ARG2: variants seen among roughly 807,000 people sequenced by gnomAD.
The protein encoded by ARG2 is arginase-2, mitochondrial.
ARG2 carries 21 observed loss-of-function variants against 39.4 expected under a neutral mutation model. The observed-to-expected ratio is 0.53, with a 90% CI of 0.38 to 0.77. The LOEUF is 0.77. ARG2 is among the 30% of genes least tolerant of loss of function. ARG2 has a pLI of 0.00. For synonymous variants in ARG2, 150 were observed against 156.7 expected, an observed-to-expected ratio of 0.96 and a Z score of 0.32; for missense variants, 378 against 426.2, an observed-to-expected ratio of 0.89 and a Z score of 1.00.
intron 2 of ARG2, among the ~76,000 whole-genome samples, chr14:67,632,994 G>T (rs1261495966): frequency 6.6e-6 from 1 of 151,094 alleles, no homozygotes; most frequent in East Asian, 1.9e-4. Context: ...CTAATTTTTC[G>T]TATTTTTAGT....
At chr14:67,636,652 T>C (rs903928468) in intron 2 of ARG2, among the ~76,000 whole-genome samples, 1 of 152,248 alleles carries the variant, frequency 6.6e-6, no homozygotes, top group Non-Finnish European at 1.5e-5. Context: ...TGTTCCACTC[T>C]GATAGAGCCT....
chr14:67,634,398 GC>G (rs1258918566), intron 2 of ARG2, among the ~76,000 whole-genome samples: 1 of 148,506 alleles, frequency 6.7e-6, no homozygotes, highest in East Asian at 2.0e-4. Context: ...TTCAAGACCA[GC>G]CTGGGTAGCA....
At position 67,650,838 on chromosome 14, in the gene ARG2, AAGG is replaced by A. The variant is rs1241041022; in HGVS notation, c.987_989del (p.Gly330del). The A allele has an allele frequency of 6.2e-7, 1 of 1,614,126 alleles. No homozygotes were observed. The highest frequency in any genetic ancestry group is 1.1e-5 in the South Asian group (1 of 91,086). On this transcript the variant is annotated inframe_deletion, in exon 8 of 8. Transcript: ENST00000261783. ...GCTTCAAGCTTTGGTCAGACAAGAG[AAGG>A]AGGGCATATTGTCTATGACCAACTT...
intron 7 of ARG2, chr14:67,650,278 T>G: frequency 4.5e-6 from 1 of 220,630 alleles, no homozygotes; most frequent in Admixed American, 5.2e-5. Context: ...GGGAATGCAG[T>G]TTGGCTAGTG....
intron 4 of ARG2, 27 bp downstream of exon 4, chr14:67,645,829 G>A (rs756702536): frequency 6.2e-7 from 1 of 1,611,570 alleles, no homozygotes. Flanking sequence ...GAAAAGAAAG[G>A]TGAATGGCTT....
chr14:67,627,252 A>C (rs2036875295), intron 2 of ARG2, among the ~76,000 whole-genome samples: 2 of 64,428 alleles, frequency 3.1e-5, no homozygotes, highest in South Asian at 1.4e-3. Flanking sequence ...GTGATCAGTA[A>C]GGAGATATAT....
chr14:67,624,888 C>A (rs2036846844), intron 2 of ARG2, among the ~76,000 whole-genome samples: 1 of 152,176 alleles, frequency 6.6e-6, no homozygotes, highest in South Asian at 2.1e-4. Flanking sequence ...TTAACTTGCC[C>A]TGTTCCCATG....
At chr14:67,623,634 C>T (rs2036834612) in intron 2 of ARG2, among the ~76,000 whole-genome samples, 1 of 149,210 alleles carries the variant, frequency 6.7e-6, no homozygotes, top group African/African-American at 2.5e-5. Context: ...CTCCGCCTCC[C>T]GGGTTCAAGC....
At chr14:67,635,745 C>T (rs573665376) in intron 2 of ARG2, among the ~76,000 whole-genome samples, 19 of 152,040 alleles carry the variant, frequency 1.2e-4, no homozygotes, top group African/African-American at 3.9e-4. Context: ...ACCAGCTACT[C>T]GGGAAGCTGA....
rs1487657718 is a variant in ARG2 at position 67,650,806 on chromosome 14, T to A, written c.951T>A (p.Asp317Glu). ...EAKTTANLAV[D>E]VIASSFGQTR... ...AGACTACAGCTAACCTGGCAGTAGA[T>A]GTGATTGCTTCAAGCTTTGGTCAGA... Residue 317 changes from aspartate (D) to glutamate (E), a missense_variant, in exon 8 of 8, where the codon GAT becomes GAA. Asp to Glu is a conservative substitution (Grantham distance 45). Transcript: ENST00000261783. 1.2e-6 allele frequency: 2 copies of A among 1,614,048 alleles called. No individual in the cohort carries two copies. The highest frequency in any genetic ancestry group is 2.2e-5 in the East Asian group (1 of 44,890).
chr14:67,647,984 G>C, intron 6 of ARG2, 63 bp from the exon 7 acceptor site: 1 of 1,461,458 alleles, frequency 6.8e-7, no homozygotes, highest in Non-Finnish European at 9.3e-7. Flanking sequence ...TAAGAAGGAT[G>C]AGTGTCCAAG....
At chr14:67,629,131 TGA>T (rs1210982764) in intron 2 of ARG2, among the ~76,000 whole-genome samples, 1 of 152,132 alleles carries the variant, frequency 6.6e-6, no homozygotes, top group Non-Finnish European at 1.5e-5. Flanking sequence ...TCCAGGAGTT[TGA>T]GACCAGCCTG....
At chr14:67,645,028 C>T (rs1276756327) in intron 3 of ARG2, among the ~76,000 whole-genome samples, 1 of 151,426 alleles carries the variant, frequency 6.6e-6, no homozygotes, top group African/African-American at 2.4e-5. Context: ...GAATGCCATG[C>T]TAATATATAT....
intron 2 of ARG2, among the ~76,000 whole-genome samples, chr14:67,629,958 T>TA (rs1249406295): frequency 3.3e-5 from 5 of 152,178 alleles, no homozygotes; most frequent in African/African-American, 1.2e-4. Context: ...CAAAAATCTT[T>TA]AAAAAATCAT....
Position 67,648,149 on chromosome 14 carries a change from A to G in ARG2, c.825A>G (p.Glu275=). The G allele has an allele frequency of 6.2e-7, 1 of 1,614,058 alleles. No individual in the cohort carries two copies. The highest frequency in any genetic ancestry group is 1.1e-5 in the South Asian group (1 of 91,074). The change falls in exon 7 of 8, where the codon GAA becomes GAG. Residue 275 remains glutamate, a synonymous_variant. Transcript: ENST00000261783. Reference sequence around the variant, plus strand: ...TTGTCGGGGGACTAACCTATCGAGAAGGCATGTATATTGCTGAGGAAATAC... The same window carrying G: ...TTGTCGGGGGACTAACCTATCGAGAGGGCATGTATATTGCTGAGGAAATAC... ...TPVVGGLTYR[E]GMYIAEEIHN...
rs148719194 is a variant in ARG2 at position 67,651,441 on chromosome 14, G to T, written c.*521G>T. The T allele has an allele frequency of 1.9e-6, 3 of 1,613,904 alleles. No homozygotes were observed. In the African/African-American group the frequency reaches 4.0e-5, roughly 22 times the overall value. On this transcript the variant is annotated 3_prime_UTR_variant, in exon 8 of 8. Coordinates refer to ENST00000261783, the MANE Select transcript of ARG2 (RefSeq NM_001172.4). Reference sequence around the variant, plus strand: ...AGGCCTCCCAGGATGGCGAGCTCCAGTAAGATGATAATGGAAAGCAGCAGC... The same window carrying T: ...AGGCCTCCCAGGATGGCGAGCTCCATTAAGATGATAATGGAAAGCAGCAGC...
At chr14:67,641,124 G>A (rs564411180) in intron 2 of ARG2, among the ~76,000 whole-genome samples, 1 of 152,312 alleles carries the variant, frequency 6.6e-6, no homozygotes, top group South Asian at 2.1e-4. Context: ...GGCTGTGATA[G>A]TGACACCTTT....
At chr14:67,638,847 C>A (rs1055576537) in intron 2 of ARG2, among the ~76,000 whole-genome samples, 19 of 152,182 alleles carry the variant, frequency 1.2e-4, no homozygotes, top group African/African-American at 4.3e-4. Flanking sequence ...AATGCCCGTG[C>A]ATAATTATGT....
Position 67,619,928 on chromosome 14 carries a change from C to T in ARG2, c.-50C>T, listed in dbSNP as rs981666461. On this transcript the variant is annotated 5_prime_UTR_variant, in exon 1 of 8. Coordinates refer to ENST00000261783, the MANE Select transcript of ARG2 (RefSeq NM_001172.4). Reference sequence around the variant, plus strand: ...GGCGGGCGGTGGCGCTCACTCCCGGCTTCCAACCGCGCGGAGCCTCTGCCT... The same window carrying T: ...GGCGGGCGGTGGCGCTCACTCCCGGTTTCCAACCGCGCGGAGCCTCTGCCT... The T allele has an allele frequency of 8.3e-6, 11 of 1,321,462 alleles. No individual in the cohort carries two copies. Among genetic ancestry groups the T allele is most frequent in the Non-Finnish European group, 1.1e-5 (11 of 980,232 alleles). 81.9% of individuals were successfully genotyped at this position (1,321,462 alleles called of 1,614,324 possible). A position where few individuals can be genotyped will look rare whatever the true frequency, so the allele number is the denominator to read the frequency against.
Sources: gnomAD v4.1 joint callset for allele counts (sites outside exome capture counted in the v4.1 genomes callset) on GRCh38, gnomAD v4.1.1 for gene constraint, MANE v1.5 for transcripts, NCBI Gene and HGNC (gene_info 2026-07-23, HGNC 2026-07-21) for gene names.